Variants in DDR2 observed in about 807,000 individuals in gnomAD.
The protein encoded by DDR2 is discoidin domain receptor tyrosine kinase 2.
In DDR2, 27 loss-of-function variants were observed where a neutral mutation model predicts 94.9. That is an observed-to-expected ratio of 0.28 (90% CI 0.21 to 0.39). The LOEUF (loss-of-function observed/expected upper bound fraction) is 0.39, where lower values mean the gene tolerates loss of function less well. DDR2 is among the 10% of genes least tolerant of loss of function. DDR2 has a pLI of 1.00. For synonymous variants in DDR2, 382 were observed against 377.2 expected, an observed-to-expected ratio of 1.01 and a Z score of -0.15; for missense variants, 783 against 1,076.0, an observed-to-expected ratio of 0.73 and a Z score of 3.81.
At chr1:162,759,670 T>A (rs747963600) in intron 7 of DDR2, 126 bp from the exon 8 acceptor site, 16 of 1,090,658 alleles carry the variant, frequency 1.5e-5, no homozygotes, top group Admixed American at 2.0e-5. Context: ...TTTACAATCC[T>A]TCAATTCCAA....
At chr1:162,666,247 C>A (rs1260858221) in intron 2 of DDR2, among the ~76,000 whole-genome samples, 1 of 152,150 alleles carries the variant, frequency 6.6e-6, no homozygotes, top group African/African-American at 2.4e-5. Flanking sequence ...ATTCTTTTTC[C>A]TTCTGTTTTT....
intron 2 of DDR2, among the ~76,000 whole-genome samples, chr1:162,659,387 A>G (rs991296498): frequency 3.3e-5 from 5 of 152,180 alleles, no homozygotes; most frequent in Admixed American, 3.3e-4. Context: ...GTGGGTCATT[A>G]TCCTTGGAGC....
chr1:162,771,902 A>G, intron 12 of DDR2, 122 bp from the exon 13 acceptor site: 1 of 1,001,274 alleles, frequency 1.0e-6, no homozygotes, highest in South Asian at 1.4e-5. Context: ...CCAAGTAAGA[A>G]TGTCATGAAG....
intron 1 of DDR2, among the ~76,000 whole-genome samples, chr1:162,639,534 A>G (rs1657018751): frequency 6.6e-6 from 1 of 152,244 alleles, no homozygotes; most frequent in South Asian, 2.1e-4. Flanking sequence ...AATGAAACTC[A>G]TAGAAAATAA....
At chr1:162,730,104 T>C (rs1571256169) in intron 3 of DDR2, among the ~76,000 whole-genome samples, 1 of 148,200 alleles carries the variant, frequency 6.7e-6, no homozygotes, top group Non-Finnish European at 1.5e-5. Context: ...AGACTTGATC[T>C]CAGAAAGATG....
chr1:162,776,410 C>T (rs765296803), intron 16 of DDR2, 40 bp downstream of exon 16: 1 of 1,603,636 alleles, frequency 6.2e-7, no homozygotes, highest in South Asian at 1.1e-5. Context: ...TAACAACTGG[C>T]TTGTGGGCTC....
chr1:162,632,034 TC>T (rs1656583013), upstream of DDR2: 1 of 151,076 alleles, frequency 6.6e-6, no homozygotes, highest in African/African-American at 2.4e-5. Context: ...GCCCCAACTG[TC>T]CTGGAAGCTT....
chr1:162,763,336 CTTTTTTTTTTTTT>C (rs56323242), intron 9 of DDR2, among the ~76,000 whole-genome samples: 2 of 56,500 alleles, frequency 3.5e-5, no homozygotes, highest in Admixed American at 2.9e-4. Flanking sequence ...CCACGCCCGG[CTTTTTTTTTTTTT>C]TTTTTTTTTT....
At chr1:162,722,089 A>T (rs1471748892) in intron 3 of DDR2, among the ~76,000 whole-genome samples, 1 of 150,958 alleles carries the variant, frequency 6.6e-6, no homozygotes, top group African/African-American at 2.5e-5. Context: ...GTTTACATTT[A>T]AAAAAACTCT....
At chr1:162,752,608 T>C (rs1467052720) in intron 3 of DDR2, among the ~76,000 whole-genome samples, 1 of 152,194 alleles carries the variant, frequency 6.6e-6, no homozygotes, top group Non-Finnish European at 1.5e-5. Context: ...GGGCCAAAAA[T>C]GTGTGTTTGA....
intron 2 of DDR2, among the ~76,000 whole-genome samples, chr1:162,715,515 G>A (rs527487992): frequency 1.3e-5 from 2 of 152,254 alleles, no homozygotes; most frequent in South Asian, 4.1e-4. Flanking sequence ...GAGGTGGAGA[G>A]GATGAGGAGA....
At chr1:162,689,845 A>AAAAAAAAAAAAAAAAAAAG (rs1659882436) in intron 2 of DDR2, among the ~76,000 whole-genome samples, 1 of 131,684 alleles carries the variant, frequency 7.6e-6, no homozygotes, top group Non-Finnish European at 1.6e-5. Context: ...CTCTACTTAA[A>AAAAAAAAAAAAAAAAAAAG]AAAAAAAAAA....
At position 162,754,469 on chromosome 1, in the gene DDR2, T is replaced by G. The variant is rs1454318005; in HGVS notation, c.186-155T>G. ...AAGGGATCTGACCACAAATGGGTAC[T>G]GTGGTGGCAGTGAAAACTGTGGCAA... On this transcript the variant is annotated intron_variant, in intron 4 of 17. Transcript: ENST00000367921. Among the ~76,000 whole-genome samples the G allele has an allele frequency of 2.6e-5, 4 of 152,182 alleles. 1 individual carries two copies. The highest frequency in any genetic ancestry group is 2.6e-4 in the Admixed American group (4 of 15,280).
At chr1:162,657,384 G>A (rs1020692498) in intron 2 of DDR2, among the ~76,000 whole-genome samples, 3 of 152,142 alleles carry the variant, frequency 2.0e-5, no homozygotes, top group African/African-American at 2.4e-5. Context: ...GATTTACTAA[G>A]TTTTAGTTTC....
intron 3 of DDR2, among the ~76,000 whole-genome samples, chr1:162,751,965 G>A (rs1163691785): frequency 6.6e-6 from 1 of 152,084 alleles, no homozygotes; most frequent in Non-Finnish European, 1.5e-5. Context: ...CTGGACACAG[G>A]GCGGAGAACA....
chr1:162,696,489 G>C (rs1660198773), intron 2 of DDR2, among the ~76,000 whole-genome samples: 1 of 151,836 alleles, frequency 6.6e-6, no homozygotes, highest in African/African-American at 2.4e-5. Flanking sequence ...TTTCCCTCTC[G>C]GTGTCATATT....
chr1:162,670,137 G>A (rs1030291059), intron 2 of DDR2, among the ~76,000 whole-genome samples: 3 of 152,196 alleles, frequency 2.0e-5, no homozygotes, highest in African/African-American at 7.2e-5. Context: ...TTGAGACAGA[G>A]TCTTGCTCTG....
rs1488676694 is a variant in DDR2 at position 162,759,685 on chromosome 1, A to T, written c.672-111A>T. The T allele has an allele frequency of 7.3e-6, 9 of 1,232,278 alleles. No individual in the cohort carries two copies. In the East Asian group the frequency reaches 2.2e-4, roughly 30 times the overall value. The allele number at this position is 1,232,278 out of a possible 1,614,324, so 76.3% of individuals were successfully genotyped here. A position where few individuals can be genotyped will look rare whatever the true frequency, so the allele number is the denominator to read the frequency against. On this transcript the variant is annotated intron_variant, in intron 7 of 17. Coordinates refer to ENST00000367921, the MANE Select transcript of DDR2 (RefSeq NM_006182.4). The stretch of plus-strand genomic sequence containing the variant: ...TTTACAATCCTTCAATTCCAAGATA[A>T]TAAGCTCATACAAAATCTGGAGTGA...
intron 3 of DDR2, among the ~76,000 whole-genome samples, chr1:162,724,872 G>A (rs1459897164): frequency 6.6e-6 from 1 of 152,142 alleles, no homozygotes; most frequent in African/African-American, 2.4e-5. Context: ...TTTATCTTAA[G>A]TGAGCAATGC....
Sources: allele counts gnomAD v4.1 joint callset (sites outside exome capture counted in the v4.1 genomes callset), GRCh38; gene constraint gnomAD v4.1.1; transcripts MANE v1.5; gene names NCBI Gene and HGNC (gene_info 2026-07-23, HGNC 2026-07-21).